Variants in PPP1CC observed in about 807,000 individuals in gnomAD.
PPP1CC encodes the protein protein phosphatase 1 catalytic subunit gamma.
A neutral mutation model predicts 38.4 loss-of-function variants in PPP1CC; 16 were observed. The observed-to-expected ratio is 0.42, with a 90% CI of 0.28 to 0.63. The LOEUF is 0.63. Among genes scored for constraint, PPP1CC ranks in the 30% least tolerant of loss-of-function variants. PPP1CC has a pLI of 0.25. For missense variants in PPP1CC, 170 were observed against 391.3 expected, an observed-to-expected ratio of 0.43 and a Z score of 4.77; for synonymous variants, 158 against 136.0, an observed-to-expected ratio of 1.16 and a Z score of -1.13.
chr12:110,742,621 C>A, intron 1 of PPP1CC, 32 bp downstream of exon 1: 1 of 1,418,192 alleles, frequency 7.1e-7, no homozygotes, highest in Non-Finnish European at 9.3e-7. Context: ...TCAGGCCCGC[C>A]TCCCCCTTCA....
At chr12:110,716,986 G>T (rs769567039), downstream of PPP1CC, among the ~76,000 whole-genome samples, 8 of 152,208 alleles carry the variant, frequency 5.3e-5, no homozygotes, top group Non-Finnish European at 1.2e-4. Flanking sequence ...AAGCTCACAC[G>T]TTGGCAAGGA....
chr12:110,737,600 C>T lies in PPP1CC; in HGVS notation c.55+5053G>A, dbSNP rs2069962275. 2.6e-5 allele frequency among the ~76,000 whole-genome samples: 4 copies of T among 151,704 alleles called. No homozygotes were observed. In the South Asian group the frequency reaches 8.3e-4, roughly 32 times the overall value. ...ATCACAATTGTTTCCACACCCTGCC[C>T]TCTCCCATCCTGATTTTCCTAACAG... On this transcript the variant is annotated intron_variant, in intron 1 of 6. Coordinates refer to ENST00000335007, the MANE Select transcript of PPP1CC (RefSeq NM_002710.4).
chr12:110,719,333 C>G (rs1566079760), downstream of PPP1CC, among the ~76,000 whole-genome samples: 1 of 152,172 alleles, frequency 6.6e-6, no homozygotes, highest in Non-Finnish European at 1.5e-5. Flanking sequence ...CTGTGCTCTT[C>G]TGTGTCCTTC....
chr12:110,729,096 G>A lies in PPP1CC; in HGVS notation c.418+1433C>T, dbSNP rs565222275. 5.4e-4 allele frequency among the ~76,000 whole-genome samples: 82 copies of A among 151,736 alleles called. 1 individual carries two copies. The highest frequency in any genetic ancestry group is 6.8e-3 in the Middle Eastern group (2 of 292). On this transcript the variant is annotated intron_variant, in intron 3 of 6. Transcript: ENST00000335007. ...CCTCTTCACTCCAAACCTGAAACCC[G>A]TCCTGGCAGCAATGATGAGCACAAA...
chr12:110,731,632 T>A, intron 2 of PPP1CC, 138 bp downstream of exon 2: 1 of 854,048 alleles, frequency 1.2e-6, no homozygotes, highest in Non-Finnish European at 1.7e-6. Flanking sequence ...AAAGCTACTA[T>A]TTAACTTACT....
chr12:110,726,920 T>C (rs2069805969), intron 3 of PPP1CC, among the ~76,000 whole-genome samples: 1 of 152,216 alleles, frequency 6.6e-6, no homozygotes, highest in African/African-American at 2.4e-5. Flanking sequence ...GACTTCCTCT[T>C]TCCCCAAGGT....
At chr12:110,712,830 G>C in the PPP1CC span, among the ~76,000 whole-genome samples, 1 of 151,782 alleles carries the variant, frequency 6.6e-6, no homozygotes, top group African/African-American at 2.4e-5. Flanking sequence ...CCAGCACTTT[G>C]TGAGGGCAAG....
the PPP1CC span, among the ~76,000 whole-genome samples, chr12:110,710,882 A>T: frequency 6.6e-6 from 1 of 151,828 alleles, no homozygotes; most frequent in Non-Finnish European, 1.5e-5. Context: ...ATATAAATAA[A>T]AATGTTTAGG....
At chr12:110,718,057 A>C (rs1415048343), downstream of PPP1CC, among the ~76,000 whole-genome samples, 1 of 152,210 alleles carries the variant, frequency 6.6e-6, no homozygotes, top group African/African-American at 2.4e-5. Context: ...CCATCAGTTT[A>C]AATCATGTGC....
chr12:110,710,220 AAAG>A, the PPP1CC span, among the ~76,000 whole-genome samples: 1 of 152,044 alleles, frequency 6.6e-6, no homozygotes, highest in Non-Finnish European at 1.5e-5. Flanking sequence ...AGAATAGGAA[AAAG>A]GGCAAAGATA....
At chr12:110,739,663 G>A (rs766636341) in intron 1 of PPP1CC, among the ~76,000 whole-genome samples, 3 of 152,178 alleles carry the variant, frequency 2.0e-5, no homozygotes, top group Non-Finnish European at 4.4e-5. Flanking sequence ...TGCAGAGCCT[G>A]ACATGGTCTT....
the PPP1CC span, among the ~76,000 whole-genome samples, chr12:110,712,587 C>G: frequency 6.4e-4 from 85 of 132,378 alleles, no homozygotes; most frequent in African/African-American, 2.5e-3. Flanking sequence ...TTGCACTGAG[C>G]CAAGTTAGCA....
intron 1 of PPP1CC, among the ~76,000 whole-genome samples, chr12:110,733,169 T>C (rs957987452): frequency 2.0e-5 from 3 of 152,206 alleles, no homozygotes; most frequent in Non-Finnish European, 2.9e-5. Context: ...CGGTGAAAGA[T>C]GGGATCCCCA....
At chr12:110,711,807 C>T in the PPP1CC span, among the ~76,000 whole-genome samples, 3 of 151,960 alleles carry the variant, frequency 2.0e-5, no homozygotes, top group African/African-American at 7.3e-5. Context: ...TGCATGTGGT[C>T]CCAGCTACTT....
the PPP1CC span, among the ~76,000 whole-genome samples, chr12:110,713,960 G>A: frequency 2.6e-5 from 4 of 152,088 alleles, no homozygotes; most frequent in South Asian, 4.1e-4. Flanking sequence ...TTAGCTCGGC[G>A]TGGTGGCGGG....
chr12:110,728,259 C>T (rs945212826), intron 3 of PPP1CC, among the ~76,000 whole-genome samples: 19 of 151,894 alleles, frequency 1.3e-4, no homozygotes, highest in Non-Finnish European at 2.6e-4. Context: ...ATTAGCCGGG[C>T]GTAGTGGCGG....
At chr12:110,725,745 C>T (rs2069791083) in intron 3 of PPP1CC, 1 of 152,220 alleles carries the variant, frequency 6.6e-6, no homozygotes, top group South Asian at 2.1e-4. Context: ...CCTGTACTTA[C>T]TATACTAAGC....
At chr12:110,725,982 A>T (rs1444937142) in intron 3 of PPP1CC, 1 of 152,416 alleles carries the variant, frequency 6.6e-6, no homozygotes, top group Non-Finnish European at 1.5e-5. Context: ...GAGTCACTTG[A>T]ACCTGGGAGG....
In PPP1CC at chr12:110,736,568, C is replaced by T. The variant is rs191683636; in HGVS notation, c.56-4667G>A. On this transcript the variant is annotated intron_variant, in intron 1 of 6. Transcript: ENST00000335007. Reference sequence around the variant, plus strand: ...CTAAGATGGGAGGATCACTTGAGCCCGGGAGACAGATGCTGCATTGAGCCG... The same window carrying T: ...CTAAGATGGGAGGATCACTTGAGCCTGGGAGACAGATGCTGCATTGAGCCG... Among the ~76,000 whole-genome samples the T allele has an allele frequency of 4.5e-3, 680 of 152,136 alleles. 4 individuals are homozygous for T. The highest frequency in any genetic ancestry group is 0.015 in the African/African-American group (633 of 41,492).
Sources: allele counts gnomAD v4.1 joint callset (sites outside exome capture counted in the v4.1 genomes callset), GRCh38; gene constraint gnomAD v4.1.1; transcripts MANE v1.5; gene names NCBI Gene and HGNC (gene_info 2026-07-23, HGNC 2026-07-21).